The following BAZ1A variants were observed in gnomAD, a reference collection of about 807,000 sequenced individuals.
The protein encoded by BAZ1A is bromodomain adjacent to zinc finger domain protein 1A.
A neutral mutation model predicts 185.2 loss-of-function variants in BAZ1A; 50 were observed. The ratio of observed to expected loss-of-function variants is 0.27; its 90% confidence interval spans 0.22 to 0.34. BAZ1A has a LOEUF of 0.34. Ranked by LOEUF, BAZ1A falls within the 10% of genes least tolerant of loss-of-function variation. BAZ1A has a pLI of 1.00. For synonymous variants in BAZ1A, 571 were observed against 615.6 expected, an observed-to-expected ratio of 0.93 and a Z score of 1.07; for missense variants, 1,356 against 1,839.9, an observed-to-expected ratio of 0.74 and a Z score of 4.81.
intron 3 of BAZ1A, among the ~76,000 whole-genome samples, chr14:34,852,853 G>C (rs1332445557): frequency 6.6e-6 from 1 of 152,050 alleles, no homozygotes; most frequent in Non-Finnish European, 1.5e-5. Context: ...ATCATAAATG[G>C]CAGAACCCAA....
At chr14:34,827,874 G>T (rs2042186111) in intron 3 of BAZ1A, among the ~76,000 whole-genome samples, 2 of 151,934 alleles carry the variant, frequency 1.3e-5, no homozygotes, top group African/African-American at 4.8e-5. Flanking sequence ...CTTTTGTTGT[G>T]ATTTCTGATC....
At chr14:34,830,729 G>A (rs2042229037) in intron 3 of BAZ1A, among the ~76,000 whole-genome samples, 1 of 149,020 alleles carries the variant, frequency 6.7e-6, no homozygotes, top group African/African-American at 2.5e-5. Flanking sequence ...AGGAGAGAGA[G>A]CATTGCTGGA....
At chr14:34,766,269 A>C (rs1467813769) in intron 21 of BAZ1A, among the ~76,000 whole-genome samples, 1 of 152,244 alleles carries the variant, frequency 6.6e-6, no homozygotes, top group African/African-American at 2.4e-5. Context: ...TTATTAGTGC[A>C]CTGTATAGCT....
At chr14:34,823,302 C>T (rs1038663167) in intron 4 of BAZ1A, among the ~76,000 whole-genome samples, 3 of 151,434 alleles carry the variant, frequency 2.0e-5, no homozygotes, top group Non-Finnish European at 2.9e-5. Context: ...TGCAGTGGGC[C>T]GAGACTGCGC....
intron 9 of BAZ1A, among the ~76,000 whole-genome samples, chr14:34,798,118 G>A (rs965628285): frequency 6.6e-6 from 1 of 152,260 alleles, no homozygotes; most frequent in Non-Finnish European, 1.5e-5. Flanking sequence ...CTGGCAGGGG[G>A]AGGGGGCGTC....
In BAZ1A at chr14:34,753,799, A is replaced by G. The variant is rs1886121139; in HGVS notation, c.4475-95T>C. 2.8e-6 allele frequency: 3 copies of G among 1,088,492 alleles called. No homozygotes were observed. The South Asian group carries it at 7.0e-5, about 26-fold the overall frequency. The allele number at this position is 1,088,492 out of a possible 1,614,324, so 67.4% of individuals were successfully genotyped here. A position where few individuals can be genotyped will look rare whatever the true frequency, so the allele number is the denominator to read the frequency against. The stretch of plus-strand genomic sequence containing the variant: ...CATATCTGGAAATTTTATTAAGAAA[A>G]TGGAAGCCCACTTTTTTCTTTAGAA... On this transcript the variant is annotated intron_variant, in intron 26 of 26. Transcript: ENST00000360310.
At position 34,754,906 on chromosome 14, in the gene BAZ1A, G is replaced by C; in HGVS notation, c.4395C>G (p.Asp1465Glu). ...LKLVSKIQVP[D>E]YYDIIKKPIA... ...TGGGCTTTTTGATGATGTCATAGTAGTCTGGGACCTGTAAAATAATTCAAA... is the reference window on the plus strand; with the variant it reads ...TGGGCTTTTTGATGATGTCATAGTACTCTGGGACCTGTAAAATAATTCAAA... The change falls in exon 26 of 27, where the codon GAC (aspartate) becomes GAG (glutamate). Residue 1465 changes from aspartate to glutamate, a missense_variant. Around this residue, in one of 7 missense-constraint regions of BAZ1A, gnomAD observed 61 missense variants for 117.9 expected, o/e 0.52. Transcript: ENST00000360310. 1 of 1,587,402 alleles carries C rather than the reference G, an allele frequency of 6.3e-7. No individual in the cohort carries two copies. The highest frequency in any genetic ancestry group is 8.6e-7 in the Non-Finnish European group (1 of 1,169,072).
intron 3 of BAZ1A, among the ~76,000 whole-genome samples, chr14:34,840,939 A>T (rs1467979832): frequency 7.1e-6 from 1 of 141,172 alleles, no homozygotes; most frequent in Non-Finnish European, 1.5e-5. Flanking sequence ...GTACATTTAT[A>T]ACAACAAAAT....
rs142853135 is a variant in BAZ1A, at chr14:34,785,889, A to G, written c.1719T>C (p.Tyr573=). ...TAGCATCAAATCCTCCTCGTTTTTG[A>G]TATCTATACTTTGCATTTGCTGATG... ...DVTSANAKYR[Y]QKRGGFDATD... Residue 573 remains tyrosine, a synonymous_variant, in exon 14 of 27, where the codon TAT becomes TAC. Coordinates refer to ENST00000360310, the MANE Select transcript of BAZ1A (RefSeq NM_013448.3). The G allele has an allele frequency of 2.4e-5, 38 of 1,614,010 alleles. No individual in the cohort carries two copies. Among genetic ancestry groups the G allele is most frequent in the Non-Finnish European group, 3.1e-5 (36 of 1,180,044 alleles).
intron 7 of BAZ1A, among the ~76,000 whole-genome samples, chr14:34,802,234 G>C (rs957149327): frequency 1.3e-5 from 2 of 152,016 alleles, no homozygotes; most frequent in Non-Finnish European, 1.5e-5. Context: ...GTTTTGTTTT[G>C]TTTTGTTTTT....
chr14:34,844,792 C>T, intron 3 of BAZ1A, among the ~76,000 whole-genome samples: 1 of 150,748 alleles, frequency 6.6e-6, no homozygotes, highest in Admixed American at 6.6e-5. Flanking sequence ...CACACACACA[C>T]ACACACACAC....
intron 24 of BAZ1A, among the ~76,000 whole-genome samples, chr14:34,759,841 A>C (rs983616165): frequency 6.6e-6 from 1 of 151,778 alleles, no homozygotes; most frequent in Non-Finnish European, 1.5e-5. Flanking sequence ...CACCCAGCTA[A>C]TTTTTGTATT....
At chr14:34,787,187 T>C (rs1315698872) in intron 12 of BAZ1A, among the ~76,000 whole-genome samples, 1 of 148,988 alleles carries the variant, frequency 6.7e-6, no homozygotes, top group Non-Finnish European at 1.5e-5. Context: ...ACCCCGTCTC[T>C]ACTAAAAATA....
intron 21 of BAZ1A, among the ~76,000 whole-genome samples, chr14:34,766,040 A>AT (rs759566357): frequency 9.9e-5 from 15 of 152,200 alleles, no homozygotes; most frequent in Non-Finnish European, 1.9e-4. Context: ...GGGCAGTAGC[A>AT]TAACGGTTAA....
At chr14:34,867,674 C>T (rs116939428) in intron 2 of BAZ1A, among the ~76,000 whole-genome samples, 3,499 of 152,308 alleles carry the variant, frequency 0.023, 54 homozygotes, top group Non-Finnish European at 0.034. Context: ...TATAGCTTCA[C>T]TGTTCACAAA....
rs768831463 is a variant in BAZ1A at position 34,762,092 on chromosome 14, G to C, written c.3908C>G (p.Pro1303Arg). 2 of 1,614,142 alleles carry C rather than the reference G, an allele frequency of 1.2e-6. No individual in the cohort carries two copies. The highest frequency in any genetic ancestry group is 4.5e-5 in the East Asian group (2 of 44,886). Residue 1303 changes from proline to arginine, a missense_variant, in exon 24 of 27, where the codon CCC (proline) becomes CGC (arginine). Physicochemically the swap from Pro to Arg is moderately radical, Grantham distance 103. Coordinates refer to ENST00000360310, the MANE Select transcript of BAZ1A (RefSeq NM_013448.3). ...RYPSRSQQST[P>R]KTTVSSKTGR... is the part of the protein sequence containing the mutation. ...AGTTTTAGAAGAAACAGTTGTTTTGGGTGTGCTCTGCTGACTCCTTGAAGG... is the reference window on the plus strand; with the variant it reads ...AGTTTTAGAAGAAACAGTTGTTTTGCGTGTGCTCTGCTGACTCCTTGAAGG...
chr14:34,761,118 T>C (rs977433646), intron 24 of BAZ1A, among the ~76,000 whole-genome samples: 2 of 151,878 alleles, frequency 1.3e-5, no homozygotes, highest in African/African-American at 4.8e-5. Context: ...CCGTCTCTAC[T>C]AATACAAAAA....
chr14:34,771,343 T>C (rs1879204426), intron 21 of BAZ1A, 168 bp downstream of exon 21: 4 of 696,934 alleles, frequency 5.7e-6, no homozygotes, highest in South Asian at 4.1e-5. Flanking sequence ...GACTGTATTA[T>C]TCTAAAAATA....
At chr14:34,759,171 GTTTTTTTTTTTTTT>G (rs780287749) in intron 24 of BAZ1A, among the ~76,000 whole-genome samples, 7 of 66,468 alleles carry the variant, frequency 1.1e-4, no homozygotes, top group African/African-American at 3.8e-4. Context: ...TACAGCTACA[GTTTTTTTTTTTTTT>G]TTTTTTTTTT....
Sources: allele counts gnomAD v4.1 joint callset (sites outside exome capture counted in the v4.1 genomes callset), GRCh38; gene constraint gnomAD v4.1.1; regional missense constraint gnomAD v4.1.1; transcripts MANE v1.5; gene names NCBI Gene and HGNC (gene_info 2026-07-23, HGNC 2026-07-21).